MAPK8: variants seen among roughly 807,000 people sequenced by gnomAD.
MAPK8 encodes the protein JUN N-terminal kinase.
Under a neutral mutation model 52.9 loss-of-function variants are expected in MAPK8, and 13 were observed. The observed-to-expected ratio is 0.25, with a 90% confidence interval of 0.16 to 0.39. MAPK8 has a LOEUF of 0.39. Ranked by LOEUF, MAPK8 falls within the 10% of genes least tolerant of loss-of-function variation. MAPK8 has a pLI of 1.00. For missense variants in MAPK8, 300 were observed against 519.2 expected (o/e 0.58, Z 4.10); for synonymous variants, 191 against 169.8 (o/e 1.12, Z -0.97).
At chr10:48,336,417 A>G (rs1844691945) in intron 1 of MAPK8, among the ~76,000 whole-genome samples, 1 of 152,172 alleles carries the variant, frequency 6.6e-6, no homozygotes, top group Admixed American at 6.6e-5. Context: ...TCATGAGGGA[A>G]TAATTTGATG....
intron 1 of MAPK8, among the ~76,000 whole-genome samples, chr10:48,349,759 A>G (rs566453882): frequency 2.0e-5 from 3 of 152,336 alleles, no homozygotes; most frequent in African/African-American, 7.2e-5. Flanking sequence ...AAGACAAGAA[A>G]TAACTAAGAT....
chr10:48,364,450 C>A (rs1384484773), intron 1 of MAPK8, among the ~76,000 whole-genome samples: 4 of 151,204 alleles, frequency 2.6e-5, no homozygotes, highest in South Asian at 2.1e-4. Flanking sequence ...AAAAAAAAAA[C>A]TGAATTCTTT....
In MAPK8 at chr10:48,435,375, A is replaced by G. The variant is rs2044771721; in HGVS notation, c.*346A>G. On this transcript the variant is annotated 3_prime_UTR_variant, in exon 12 of 12. Coordinates refer to ENST00000374189, the MANE Select transcript of MAPK8 (RefSeq NM_001323329.2). ...TAAGATTTTGTTTATCAAAGCAACTATTATGTGGTGACTTGCCTATATCAT... is the reference window on the plus strand; with the variant it reads ...TAAGATTTTGTTTATCAAAGCAACTGTTATGTGGTGACTTGCCTATATCAT... The G allele has an allele frequency of 1.0e-5, 2 of 191,264 alleles. No homozygotes were observed. The highest frequency in any genetic ancestry group is 2.1e-5 in the Non-Finnish European group (2 of 94,408). The allele number at this position is 191,264 out of a possible 1,614,324, so 11.8% of individuals were successfully genotyped here. A position where few individuals can be genotyped will look rare whatever the true frequency, so the allele number is the denominator to read the frequency against.
chr10:48,334,498 C>T (rs900264530), intron 1 of MAPK8, among the ~76,000 whole-genome samples: 1 of 152,184 alleles, frequency 6.6e-6, no homozygotes, highest in Admixed American at 6.5e-5. Flanking sequence ...AATTTTCCTA[C>T]CTTGGCTTGT....
At chr10:48,310,263 G>A (rs891709605) in intron 1 of MAPK8, among the ~76,000 whole-genome samples, 1 of 152,160 alleles carries the variant, frequency 6.6e-6, no homozygotes, top group South Asian at 2.1e-4. Flanking sequence ...TAGAAGGCTT[G>A]TTCCTCAGAT....
chr10:48,353,174 A>G (rs1846504243), intron 1 of MAPK8, among the ~76,000 whole-genome samples: 1 of 152,216 alleles, frequency 6.6e-6, no homozygotes. Context: ...TTTTCCTAAA[A>G]TAGATGTAAT....
intron 1 of MAPK8, among the ~76,000 whole-genome samples, chr10:48,357,735 G>A (rs901075773): frequency 7.2e-5 from 11 of 152,042 alleles, no homozygotes; most frequent in African/African-American, 1.9e-4. Flanking sequence ...TAAAATACAC[G>A]TAACATAAAT....
At chr10:48,402,956 C>T (rs11101313) in intron 2 of MAPK8, among the ~76,000 whole-genome samples, 1 of 152,208 alleles carries the variant, frequency 6.6e-6, no homozygotes, top group East Asian at 1.9e-4. Flanking sequence ...TAGTGCTGGG[C>T]TTCAAAGCAA....
At chr10:48,430,599 A>C (rs891697947) in intron 10 of MAPK8, 5 of 152,766 alleles carry the variant, frequency 3.3e-5, no homozygotes, top group African/African-American at 1.2e-4. Flanking sequence ...AGAGAAAAAG[A>C]TTCCCATGGA....
chr10:48,412,389 T>A (rs1465956486), intron 5 of MAPK8, among the ~76,000 whole-genome samples: 1 of 152,230 alleles, frequency 6.6e-6, no homozygotes, highest in Non-Finnish European at 1.5e-5. Context: ...TCATGTCTTT[T>A]TTGATCAGGA....
chr10:48,349,525 G>A (rs759438368), intron 1 of MAPK8, among the ~76,000 whole-genome samples: 1 of 152,124 alleles, frequency 6.6e-6, no homozygotes, highest in Admixed American at 6.5e-5. Flanking sequence ...TGACTACTGG[G>A]TAAATAATGA....
chr10:48,377,359 T>TA (rs775421395), intron 1 of MAPK8, among the ~76,000 whole-genome samples: 15 of 58,636 alleles, frequency 2.6e-4, no homozygotes, highest in Admixed American at 4.3e-4. Context: ...AAAGTATAAT[T>TA]TAAAAAAAAA....
intron 1 of MAPK8, among the ~76,000 whole-genome samples, chr10:48,322,389 A>G (rs1318497041): frequency 1.3e-5 from 2 of 152,168 alleles, no homozygotes; most frequent in African/African-American, 4.8e-5. Flanking sequence ...AAGGAAAATT[A>G]TATAGATAAT....
At chr10:48,425,318 CTTT>C in intron 7 of MAPK8, 1 of 566,386 alleles carries the variant, frequency 1.8e-6, no homozygotes, top group Non-Finnish European at 3.2e-6. Flanking sequence ...AAAACTGAAT[CTTT>C]TTTATAAGGG....
intron 1 of MAPK8, among the ~76,000 whole-genome samples, chr10:48,377,253 A>C (rs2040723467): frequency 2.0e-5 from 3 of 152,098 alleles, no homozygotes; most frequent in African/African-American, 7.2e-5. Context: ...AGAAATACCT[A>C]ATGTAGATGA....
At chr10:48,381,381 T>G (rs1419256032) in intron 1 of MAPK8, among the ~76,000 whole-genome samples, 1 of 152,182 alleles carries the variant, frequency 6.6e-6, no homozygotes, top group Non-Finnish European at 1.5e-5. Flanking sequence ...TTTTATAACT[T>G]TCTTCACCAA....
intron 2 of MAPK8, among the ~76,000 whole-genome samples, chr10:48,404,021 G>A (rs1473379957): frequency 6.6e-6 from 1 of 151,304 alleles, no homozygotes; most frequent in Admixed American, 6.6e-5. Flanking sequence ...CTGATCTCGT[G>A]ATCTACCCGC....
At chr10:48,330,199 T>C (rs1843995400) in intron 1 of MAPK8, among the ~76,000 whole-genome samples, 1 of 152,186 alleles carries the variant, frequency 6.6e-6, no homozygotes, top group South Asian at 2.1e-4. Flanking sequence ...AAGAAATGTA[T>C]TCTTAATAGA....
At chr10:48,337,341 A>G (rs997932529) in intron 1 of MAPK8, among the ~76,000 whole-genome samples, 8 of 152,354 alleles carry the variant, frequency 5.3e-5, no homozygotes, top group Non-Finnish European at 1.2e-4. Context: ...CATGGAAATG[A>G]AACAGTTTGC....
Sources: allele counts gnomAD v4.1 joint callset (sites outside exome capture counted in the v4.1 genomes callset), GRCh38; gene constraint gnomAD v4.1.1; transcripts MANE v1.5; gene names NCBI Gene and HGNC (gene_info 2026-07-23, HGNC 2026-07-21).